The following RPTOR variants were observed in gnomAD, a reference collection of about 807,000 sequenced individuals.
The protein encoded by RPTOR is regulatory associated protein of MTOR complex 1.
In RPTOR, 21 loss-of-function variants were observed where a neutral mutation model predicts 169.9. The ratio of observed to expected loss-of-function variants is 0.12; its 90% confidence interval spans 0.09 to 0.18. The LOEUF is 0.18. Ranked by LOEUF, RPTOR falls within the 10% of genes least tolerant of loss-of-function variation. RPTOR has a pLI of 1.00. For synonymous variants in RPTOR, 732 were observed against 753.2 expected (o/e 0.97, Z 0.46); for missense variants, 1,133 against 1,855.9 (o/e 0.61, Z 7.16).
At position 80,960,133 on chromosome 17, in the gene RPTOR, G is replaced by A. The variant is rs1187755693; in HGVS notation, c.3533G>A (p.Arg1178His). The A allele has an allele frequency of 2.5e-6, 4 of 1,613,660 alleles. No individual in the cohort carries two copies. The highest frequency in any genetic ancestry group is 1.1e-5 in the South Asian group (1 of 91,084). Reference sequence around the variant, plus strand: ...ACGAGTCTGTCCTGTGATTCCCACCGCTCACTCATCGTGGCTGGCCTCGGT... The same window carrying A: ...ACGAGTCTGTCCTGTGATTCCCACCACTCACTCATCGTGGCTGGCCTCGGT... ...CVTSLSCDSH[R>H]SLIVAGLGDG... is the part of the protein sequence containing the mutation. Residue 1178 changes from arginine to histidine, a missense_variant, in exon 30 of 34, where the codon CGC becomes CAC. Physicochemically the swap from Arg to His is conservative, Grantham distance 29. This residue lies in a region of RPTOR where 410 missense variants were observed against 623.7 expected (regional missense o/e 0.66). Coordinates refer to ENST00000306801, the MANE Select transcript of RPTOR (RefSeq NM_020761.3). The surrounding 1 kb of genome is among the most constrained non-coding windows in gnomAD (Gnocchi z 4.8).
intron 3 of RPTOR, among the ~76,000 whole-genome samples, chr17:80,704,025 T>G (rs2066123158): frequency 6.6e-6 from 1 of 152,174 alleles, no homozygotes; most frequent in Non-Finnish European, 1.5e-5. Context: ...GACTTGGTGC[T>G]TTTTTGTTGG....
At chr17:80,691,145 A>G (rs745608648) in intron 3 of RPTOR, among the ~76,000 whole-genome samples, 3 of 152,138 alleles carry the variant, frequency 2.0e-5, no homozygotes, top group Non-Finnish European at 4.4e-5. Context: ...CCTCTCATCA[A>G]TTATTTGGAT....
At position 80,957,688 on chromosome 17, in the gene RPTOR, G is replaced by A; in HGVS notation, c.3435G>A (p.Arg1145=). 6.2e-7 allele frequency: 1 copy of A among 1,614,160 alleles called. No individual in the cohort carries two copies. The highest frequency in any genetic ancestry group is 2.2e-5 in the East Asian group (1 of 44,884). The change falls in exon 29 of 34, where the codon CGG becomes CGA. Residue 1145 remains arginine, a synonymous_variant. Coordinates refer to ENST00000306801, the MANE Select transcript of RPTOR (RefSeq NM_020761.3). The surrounding 1 kb of genome is among the most constrained non-coding windows in gnomAD (Gnocchi z 4.6). ...TGLLMSSGDV[R]IVRIWDTDRE... ...TCCTCATGAGCTCAGGAGACGTGCG[G>A]ATCGTCCGGATCTGGGACACAGACC...
chr17:80,674,741 T>A (rs562257938), intron 3 of RPTOR, among the ~76,000 whole-genome samples: 1 of 131,890 alleles, frequency 7.6e-6, no homozygotes, highest in Non-Finnish European at 1.5e-5. Context: ...TGAGCCGAGA[T>A]AGCGCCACTG....
chr17:80,589,052 G>T (rs551008938), intron 1 of RPTOR, among the ~76,000 whole-genome samples: 2 of 152,244 alleles, frequency 1.3e-5, no homozygotes, highest in Admixed American at 6.5e-5. Context: ...CCCTAACGAG[G>T]GTGACTGCCA....
At position 80,940,501 on chromosome 17, in the gene RPTOR, A is replaced by T; in HGVS notation, c.2925A>T (p.Pro975=). 1 of 1,613,534 alleles carries T rather than the reference A, an allele frequency of 6.2e-7. No individual in the cohort carries two copies. The highest frequency in any genetic ancestry group is 2.2e-5 in the East Asian group (1 of 44,856). Residue 975 remains proline, a synonymous_variant, in exon 25 of 34, where the codon CCA becomes CCT. Coordinates refer to ENST00000306801, the MANE Select transcript of RPTOR (RefSeq NM_020761.3). ...RYFAQPVMKI[P]EEHDLESQIR... ...GGTGTTTTCTGTTGTTGAAGATCCCAGAAGAGCACGACCTGGAGAGTCAGA... is the reference window on the plus strand; with the variant it reads ...GGTGTTTTCTGTTGTTGAAGATCCCTGAAGAGCACGACCTGGAGAGTCAGA...
At chr17:80,804,133 T>G (rs777310296) in intron 7 of RPTOR, 1 of 152,322 alleles carries the variant, frequency 6.6e-6, no homozygotes, top group East Asian at 1.9e-4. Context: ...GCTTGATGGC[T>G]ACCTACAGAG....
chr17:80,801,250 C>T (rs772019014), intron 7 of RPTOR, among the ~76,000 whole-genome samples: 1 of 152,184 alleles, frequency 6.6e-6, no homozygotes, highest in African/African-American at 2.4e-5. Flanking sequence ...TGCCAGGCAT[C>T]GTGCTGAGGC....
At chr17:80,550,711 A>C (rs2084333897) in intron 1 of RPTOR, among the ~76,000 whole-genome samples, 1 of 151,824 alleles carries the variant, frequency 6.6e-6, no homozygotes, top group Admixed American at 6.6e-5. Context: ...ATTCATTAGA[A>C]CCCATCAGCG....
chr17:80,932,475 A>T (rs1047842350), intron 24 of RPTOR, among the ~76,000 whole-genome samples: 1 of 152,220 alleles, frequency 6.6e-6, no homozygotes, highest in African/African-American at 2.4e-5. Flanking sequence ...AGTGGAAATA[A>T]CCAAGATTAA....
chr17:80,615,678 G>C (rs565278339), intron 1 of RPTOR, among the ~76,000 whole-genome samples: 7 of 152,082 alleles, frequency 4.6e-5, no homozygotes, highest in African/African-American at 1.7e-4. Flanking sequence ...TTTCTTCCTT[G>C]TCCCATTCCA....
At chr17:80,681,645 T>C (rs1598216673) in intron 3 of RPTOR, among the ~76,000 whole-genome samples, 1 of 122,078 alleles carries the variant, frequency 8.2e-6, no homozygotes, top group African/African-American at 3.5e-5. Context: ...GGTGTACGTC[T>C]CTTACACCTT....
At chr17:80,747,818 A>T (rs1169334092) in intron 5 of RPTOR, among the ~76,000 whole-genome samples, 15 of 152,170 alleles carry the variant, frequency 9.9e-5, no homozygotes, top group Non-Finnish European at 1.9e-4. Context: ...CCACCACCCC[A>T]TGCCATCCTA....
intron 10 of RPTOR, among the ~76,000 whole-genome samples, 159 bp downstream of exon 10, chr17:80,838,156 A>G (rs1246600209): frequency 2.0e-5 from 3 of 152,228 alleles, no homozygotes; most frequent in Non-Finnish European, 2.9e-5. Flanking sequence ...AGTTTAAAAC[A>G]TCGAGTCAAC....
chr17:80,715,585 GTT>G (rs34329434), intron 4 of RPTOR, among the ~76,000 whole-genome samples: 23 of 146,142 alleles, frequency 1.6e-4, no homozygotes, highest in African/African-American at 3.7e-4. Context: ...TTATTTTTAT[GTT>G]TTTTTTTTTT....
chr17:80,944,928 T>C (rs1160127491), intron 25 of RPTOR, among the ~76,000 whole-genome samples: 6 of 140,870 alleles, frequency 4.3e-5, no homozygotes, highest in African/African-American at 1.6e-4. Context: ...GAGGCAGAGG[T>C]GGCAGTGAGC....
chr17:80,618,559 C>T (rs541449661), intron 1 of RPTOR, among the ~76,000 whole-genome samples: 1 of 152,296 alleles, frequency 6.6e-6, no homozygotes, highest in East Asian at 1.9e-4. Flanking sequence ...GCCTCCTCAT[C>T]CCTGAGGCCG....
In RPTOR at chr17:80,557,105, T is replaced by C. The variant is rs372155127; in HGVS notation, c.162+11314T>C. On this transcript the variant is annotated intron_variant, in intron 1 of 33. Coordinates refer to ENST00000306801, the MANE Select transcript of RPTOR (RefSeq NM_020761.3). ...AGTGAAACTCTGTCTCATTGTTCCA[T>C]TCTGAAGAGCTGTGGAAGACTCTTG... Among the ~76,000 whole-genome samples the C allele has an allele frequency of 2.2e-3, 326 of 151,308 alleles. 2 individuals are homozygous for C. Among genetic ancestry groups the C allele is most frequent in the African/African-American group, 7.6e-3 (313 of 41,240 alleles).
At chr17:80,563,513 C>T (rs1163455033) in intron 1 of RPTOR, among the ~76,000 whole-genome samples, 3 of 126,832 alleles carry the variant, frequency 2.4e-5, no homozygotes, top group Admixed American at 1.1e-4. Context: ...TGTGGTGAGC[C>T]GAGACTGCGC....
Sources: allele counts gnomAD v4.1 joint callset (sites outside exome capture counted in the v4.1 genomes callset), GRCh38; gene constraint gnomAD v4.1.1; regional missense constraint gnomAD v4.1.1; non-coding constraint Gnocchi (gnomAD v3.1); transcripts MANE v1.5; gene names NCBI Gene and HGNC (gene_info 2026-07-23, HGNC 2026-07-21).